The following C16orf74 variants were observed in gnomAD, a reference collection of about 807,000 sequenced individuals.
The protein encoded by C16orf74 is uncharacterized protein C16orf74.
A neutral mutation model predicts 6.5 loss-of-function variants in C16orf74; 10 were observed. The observed-to-expected ratio is 1.54, with a 90% confidence interval of 0.95 to 2.61. The LOEUF (loss-of-function observed/expected upper bound fraction) is 2.61, where lower values mean the gene tolerates loss of function less well. C16orf74 is among the 30% of genes most tolerant of loss of function. The pLI, the probability that C16orf74 is intolerant of heterozygous loss-of-function variation, is 0.00. For synonymous variants in C16orf74, 60 were observed against 42.5 expected (o/e 1.41, Z -1.60); for missense variants, 141 against 105.9 (o/e 1.33, Z -1.45).
intron 2 of C16orf74, among the ~76,000 whole-genome samples, chr16:85,719,239 T>C (rs1174686999): frequency 6.6e-6 from 1 of 152,250 alleles, no homozygotes; most frequent in Non-Finnish European, 1.5e-5. Context: ...CCCCAGGTGC[T>C]GCAGACACTG....
chr16:85,746,147 C>G (rs1461433445), intron 1 of C16orf74, among the ~76,000 whole-genome samples: 3 of 152,044 alleles, frequency 2.0e-5, no homozygotes, highest in Admixed American at 6.6e-5. Flanking sequence ...GCTGGGCGTT[C>G]AAGACCAGCC....
chr16:85,720,353 A>C (rs1472859249), intron 2 of C16orf74, among the ~76,000 whole-genome samples: 1 of 152,072 alleles, frequency 6.6e-6, no homozygotes, highest in African/African-American at 2.4e-5. Flanking sequence ...CACTGACTGC[A>C]CTTCCTCCCT....
chr16:85,717,983 G>C (rs2054041901), intron 2 of C16orf74, among the ~76,000 whole-genome samples: 1 of 152,230 alleles, frequency 6.6e-6, no homozygotes, highest in Non-Finnish European at 1.5e-5. Context: ...CCAGCTCTTG[G>C]TGAACTCCCG....
chr16:85,726,319 G>C (rs545568277), intron 2 of C16orf74, among the ~76,000 whole-genome samples: 1 of 152,330 alleles, frequency 6.6e-6, no homozygotes, highest in African/African-American at 2.4e-5. Context: ...CATGCAGCAG[G>C]TACTCAGTAC....
intron 2 of C16orf74, among the ~76,000 whole-genome samples, chr16:85,721,226 A>C (rs1324959097): frequency 6.6e-6 from 1 of 152,076 alleles, no homozygotes; most frequent in African/African-American, 2.4e-5. Flanking sequence ...AACAAAAAAA[A>C]AAGCCACGTA....
At chr16:85,731,133 G>A (rs1030343864) in intron 2 of C16orf74, among the ~76,000 whole-genome samples, 4 of 152,200 alleles carry the variant, frequency 2.6e-5, no homozygotes, top group African/African-American at 9.7e-5. Context: ...CCAGAACCCA[G>A]CACTCAATAA....
At chr16:85,730,744 C>T (rs1312879020) in intron 2 of C16orf74, among the ~76,000 whole-genome samples, 8 of 151,176 alleles carry the variant, frequency 5.3e-5, no homozygotes, top group African/African-American at 1.2e-4. Context: ...AGTAAAGCCT[C>T]CAGCCCAGCC....
intron 2 of C16orf74, among the ~76,000 whole-genome samples, chr16:85,717,546 G>A (rs1359805303): frequency 6.6e-6 from 1 of 152,198 alleles, no homozygotes; most frequent in Non-Finnish European, 1.5e-5. Context: ...AGTGTGGGGA[G>A]AAATGACCCT....
chr16:85,730,579 C>T (rs1036857636), intron 2 of C16orf74, among the ~76,000 whole-genome samples: 1 of 127,206 alleles, frequency 7.9e-6, no homozygotes, highest in African/African-American at 3.0e-5. Context: ...AACCCCCAGA[C>T]CACACAACTA....
At chr16:85,729,582 C>A (rs1368420138) in intron 2 of C16orf74, among the ~76,000 whole-genome samples, 1 of 152,200 alleles carries the variant, frequency 6.6e-6, no homozygotes, top group Admixed American at 6.5e-5. Flanking sequence ...TCACATCAAC[C>A]CAGAACCTCA....
At chr16:85,718,214 C>T (rs1288781098) in intron 2 of C16orf74, among the ~76,000 whole-genome samples, 4 of 152,214 alleles carry the variant, frequency 2.6e-5, no homozygotes, top group Non-Finnish European at 5.9e-5. Context: ...GGTGAAACTA[C>T]AGGCACTCTC....
intron 3 of C16orf74, among the ~76,000 whole-genome samples, chr16:85,708,543 G>A (rs948348895): frequency 1.3e-5 from 2 of 152,198 alleles, no homozygotes; most frequent in Non-Finnish European, 2.9e-5. Flanking sequence ...GTGTGTCCCT[G>A]GGCGAGGCAC....
chr16:85,736,302 A>G (rs913287653), intron 1 of C16orf74, among the ~76,000 whole-genome samples: 1 of 152,108 alleles, frequency 6.6e-6, no homozygotes, highest in Non-Finnish European at 1.5e-5. Flanking sequence ...CCTGGCCCTC[A>G]TGTGCAGGCT....
intron 2 of C16orf74, among the ~76,000 whole-genome samples, chr16:85,714,580 C>G (rs2054003592): frequency 6.6e-6 from 1 of 151,654 alleles, no homozygotes; most frequent in Non-Finnish European, 1.5e-5. Context: ...CCACCACACC[C>G]AGCTAATTTT....
At position 85,710,229 on chromosome 16, in the gene C16orf74, G is replaced by T. The variant is rs748067415; in HGVS notation, c.107C>A (p.Pro36His). The change falls in exon 3 of 4, where the codon CCC becomes CAC. Residue 36 changes from proline to histidine, a missense_variant. By Grantham distance (77) the Pro-to-His change is moderately conservative. Coordinates refer to ENST00000284245, the MANE Select transcript of C16orf74 (RefSeq NM_206967.3). ...GGTGGGGGGCGTGATGATGATGTCG[G>T]GCACGTCCAGGTGCTTGTCGTTCAG... ...PVLNDKHLDV[P>H]DIIITPPTPT... The T allele has an allele frequency of 1.3e-6, 2 of 1,502,972 alleles. No individual in the cohort carries two copies. The highest frequency in any genetic ancestry group is 5.5e-5 in the Admixed American group (2 of 36,376). The allele number at this position is 1,502,972 out of a possible 1,614,324, so 93.1% of individuals were successfully genotyped here. A position where few individuals can be genotyped will look rare whatever the true frequency, so the allele number is the denominator to read the frequency against.
chr16:85,718,676 T>A (rs2054049148), intron 2 of C16orf74, among the ~76,000 whole-genome samples: 1 of 152,232 alleles, frequency 6.6e-6, no homozygotes, highest in Middle Eastern at 3.2e-3. Context: ...TGCGGTGCGA[T>A]GATTCTATAT....
chr16:85,737,693 T>C (rs2054259567), intron 1 of C16orf74, among the ~76,000 whole-genome samples: 1 of 152,044 alleles, frequency 6.6e-6, no homozygotes, highest in Non-Finnish European at 1.5e-5. Context: ...TAGCTGGGTG[T>C]GGTGGTGGGT....
chr16:85,720,112 G>A (rs1004570758), intron 2 of C16orf74, among the ~76,000 whole-genome samples: 2 of 152,020 alleles, frequency 1.3e-5, no homozygotes, highest in African/African-American at 4.8e-5. Flanking sequence ...ATGAGGCTGG[G>A]GTAGCTCTTG....
intron 1 of C16orf74, among the ~76,000 whole-genome samples, chr16:85,750,417 G>A (rs1245250114): frequency 6.6e-6 from 1 of 152,222 alleles, no homozygotes; most frequent in Non-Finnish European, 1.5e-5. Flanking sequence ...CACACGGGTC[G>A]CCCTTCGCGG....
Sources: gnomAD v4.1 joint callset for allele counts (sites outside exome capture counted in the v4.1 genomes callset) on GRCh38, gnomAD v4.1.1 for gene constraint, MANE v1.5 for transcripts, NCBI Gene and HGNC (gene_info 2026-07-23, HGNC 2026-07-21) for gene names.